The following ASH1L variants were observed in gnomAD, a reference collection of about 807,000 sequenced individuals.
ASH1L encodes ASH1 like histone lysine methyltransferase.
In ASH1L, 23 loss-of-function variants were observed where a neutral mutation model predicts 269.0. The ratio of observed to expected loss-of-function variants is 0.09; its 90% CI spans 0.06 to 0.12. ASH1L has a LOEUF of 0.12. Among genes scored for constraint, ASH1L ranks in the 10% least tolerant of loss-of-function variants. The pLI is 1.00. For synonymous variants in ASH1L, 1,187 were observed against 1,253.5 expected (o/e 0.95, Z 1.12); for missense variants, 2,912 against 3,567.8 (o/e 0.82, Z 4.68).
At chr1:155,524,326 C>T (rs564705821) in intron 1 of ASH1L, among the ~76,000 whole-genome samples, 4 of 151,838 alleles carry the variant, frequency 2.6e-5, no homozygotes, top group South Asian at 4.2e-4. Flanking sequence ...TCGAGACCAT[C>T]CTAGCTAACT....
intron 2 of ASH1L, among the ~76,000 whole-genome samples, chr1:155,507,610 G>A (rs919207164): frequency 3.3e-5 from 5 of 152,156 alleles, no homozygotes; most frequent in African/African-American, 1.2e-4. Flanking sequence ...AGTGGCTCAC[G>A]CCTGTAATCC....
chr1:155,559,109 G>C (rs145376983), intron 1 of ASH1L, among the ~76,000 whole-genome samples: 249 of 152,166 alleles, frequency 1.6e-3, no homozygotes, highest in Non-Finnish European at 2.3e-3. Context: ...ATCCCAAAGT[G>C]ATTACAAGTG....
chr1:155,546,024 T>A (rs902772438), intron 1 of ASH1L, among the ~76,000 whole-genome samples: 5 of 151,994 alleles, frequency 3.3e-5, no homozygotes, highest in African/African-American at 1.2e-4. Context: ...CCAGGCGTGG[T>A]GGCGTGTGCC....
intron 24 of ASH1L, 66 bp from the exon 25 acceptor site, chr1:155,342,168 C>T (rs905094669): frequency 3.4e-6 from 5 of 1,481,002 alleles, no homozygotes; most frequent in Non-Finnish European, 3.8e-6. Context: ...GCCCAAAGAC[C>T]CCATACACAC....
chr1:155,344,146 C>T, intron 22 of ASH1L, 37 bp downstream of exon 22: 1 of 1,574,066 alleles, frequency 6.4e-7, no homozygotes, highest in African/African-American at 1.3e-5. Context: ...TCAGAAAGGT[C>T]ACCTCTGACA....
chr1:155,367,064 G>A (rs1236601641), intron 12 of ASH1L, among the ~76,000 whole-genome samples: 2 of 143,632 alleles, frequency 1.4e-5, no homozygotes, highest in East Asian at 2.1e-4. Context: ...TGCAATCTCA[G>A]TTCACTACAA....
chr1:155,550,740 G>A (rs1038041578), intron 1 of ASH1L, among the ~76,000 whole-genome samples: 3 of 152,032 alleles, frequency 2.0e-5, no homozygotes, highest in African/African-American at 7.3e-5. Context: ...ATTTAATATT[G>A]TCTATCTTAC....
At chr1:155,530,815 G>A (rs1413243592) in intron 1 of ASH1L, among the ~76,000 whole-genome samples, 1 of 152,086 alleles carries the variant, frequency 6.6e-6, no homozygotes, top group African/African-American at 2.4e-5. Flanking sequence ...AGGAGGCTGA[G>A]GTGGGAGGAT....
chr1:155,452,637 C>G (rs1663574698), intron 4 of ASH1L, among the ~76,000 whole-genome samples: 3 of 151,312 alleles, frequency 2.0e-5, no homozygotes. Context: ...GGTTTACAAC[C>G]TCTGCCTCCT....
chr1:155,480,486 T>A lies in ASH1L; in HGVS notation c.2384A>T (p.Asp795Val), dbSNP rs779755393. 1 of 1,614,066 alleles carries A rather than the reference T, an allele frequency of 6.2e-7. No homozygotes were observed. The highest frequency in any genetic ancestry group is 1.1e-5 in the South Asian group (1 of 91,080). Residue 795 changes from aspartate to valine, a missense_variant, in exon 3 of 28, where the codon GAT becomes GTT. Coordinates refer to ENST00000392403, the MANE Select transcript of ASH1L (RefSeq NM_018489.3). The part of the protein sequence containing the change: ...STAPSLALLA[D>V]SEKPSHKSFA... Reference sequence around the variant, plus strand: ...AGACTTATGAGATGGTTTTTCACTATCAGCTAAGAGAGCAAGAGATGGAGC... The same window carrying A: ...AGACTTATGAGATGGTTTTTCACTAACAGCTAAGAGAGCAAGAGATGGAGC...
intron 12 of ASH1L, among the ~76,000 whole-genome samples, chr1:155,369,625 C>T (rs1445872368): frequency 6.6e-6 from 1 of 151,974 alleles, no homozygotes; most frequent in African/African-American, 2.4e-5. Flanking sequence ...GGGAAGGGAC[C>T]TCCAGATTCA....
intron 6 of ASH1L, among the ~76,000 whole-genome samples, chr1:155,398,204 AC>A (rs1455317154): frequency 6.6e-6 from 1 of 152,256 alleles, no homozygotes; most frequent in Non-Finnish European, 1.5e-5. Context: ...CACTTTATAA[AC>A]AGCAAAGGAG....
At chr1:155,520,811 G>A (rs775648204) in intron 2 of ASH1L, among the ~76,000 whole-genome samples, 5 of 151,532 alleles carry the variant, frequency 3.3e-5, no homozygotes, top group Non-Finnish European at 5.9e-5. Flanking sequence ...GCCATGAGCC[G>A]AGATCACACC....
intron 4 of ASH1L, among the ~76,000 whole-genome samples, chr1:155,450,972 C>G (rs541946212): frequency 1.3e-5 from 2 of 151,750 alleles, no homozygotes; most frequent in East Asian, 1.9e-4. Context: ...CTAAGGCGGT[C>G]GAATCACCTG....
At chr1:155,390,264 T>C (rs1288730421) in intron 7 of ASH1L, among the ~76,000 whole-genome samples, 1 of 152,158 alleles carries the variant, frequency 6.6e-6, no homozygotes, top group African/African-American at 2.4e-5. Flanking sequence ...ATGGACAAAT[T>C]CCTTTAGAAA....
chr1:155,377,750 C>T (rs556585217), intron 10 of ASH1L, among the ~76,000 whole-genome samples: 34 of 152,082 alleles, frequency 2.2e-4, no homozygotes, highest in Non-Finnish European at 4.0e-4. Flanking sequence ...ATTGGCTGGG[C>T]GCGGTGGCTC....
intron 6 of ASH1L, 92 bp from the exon 7 acceptor site, chr1:155,395,645 G>T: frequency 1.3e-6 from 1 of 763,042 alleles, no homozygotes; most frequent in Non-Finnish European, 2.0e-6. Context: ...ATGAGGAGAG[G>T]GTACCAAGTA....
At chr1:155,393,758 TAGTC>T (rs1439666762) in intron 7 of ASH1L, among the ~76,000 whole-genome samples, 5 of 151,998 alleles carry the variant, frequency 3.3e-5, no homozygotes, top group Non-Finnish European at 7.4e-5. Flanking sequence ...GTTTCACTGT[TAGTC>T]AGGATAGTCT....
chr1:155,391,537 T>G (rs1343574870), intron 7 of ASH1L, among the ~76,000 whole-genome samples: 1 of 152,198 alleles, frequency 6.6e-6, no homozygotes, highest in African/African-American at 2.4e-5. Flanking sequence ...CAGTGTTGAC[T>G]GCCTTCTCTC....
Sources: allele counts gnomAD v4.1 joint callset (sites outside exome capture counted in the v4.1 genomes callset), GRCh38; gene constraint gnomAD v4.1.1; transcripts MANE v1.5; gene names NCBI Gene and HGNC (gene_info 2026-07-23, HGNC 2026-07-21).